Variants in MSI2 observed in about 807,000 individuals in gnomAD.
The protein encoded by MSI2 is RNA-binding protein Musashi homolog 2.
MSI2 carries 17 observed loss-of-function variants against 45.6 expected under a neutral mutation model. The observed-to-expected ratio is 0.37, with a 90% CI of 0.26 to 0.56. The LOEUF (loss-of-function observed/expected upper bound fraction) is 0.56. MSI2 is among the 20% of genes least tolerant of loss of function. The probability of loss-of-function intolerance (pLI) is 0.77; values close to 1 mark genes in which losing one functional copy is unlikely to be tolerated. For missense variants in MSI2, 293 were observed against 444.2 expected, an observed-to-expected ratio of 0.66 and a Z score of 3.06; for synonymous variants, 156 against 158.2, an observed-to-expected ratio of 0.99 and a Z score of 0.11.
chr17:57,559,070 AGAAAG>A (rs1379714140), intron 7 of MSI2, among the ~76,000 whole-genome samples: 2 of 152,168 alleles, frequency 1.3e-5, no homozygotes, highest in Non-Finnish European at 2.9e-5. Context: ...CTAAAAAAAA[AGAAAG>A]AAAGAAATCA....
At chr17:57,517,853 T>C (rs2086502921) in intron 6 of MSI2, among the ~76,000 whole-genome samples, 1 of 152,016 alleles carries the variant, frequency 6.6e-6, no homozygotes. Context: ...AGAGTCCACC[T>C]CCCATCAGAG....
At chr17:57,410,837 A>G (rs2143193266) in intron 6 of MSI2, among the ~76,000 whole-genome samples, 1 of 152,300 alleles carries the variant, frequency 6.6e-6, no homozygotes, top group East Asian at 1.9e-4. Context: ...AAAATAAGTG[A>G]GAGTATGGAA....
intron 7 of MSI2, among the ~76,000 whole-genome samples, chr17:57,586,801 C>G (rs954284036): frequency 2.6e-5 from 4 of 151,654 alleles, no homozygotes; most frequent in African/African-American, 9.7e-5. Context: ...TCACTTGAGG[C>G]CAGGAGTTCG....
intron 10 of MSI2, among the ~76,000 whole-genome samples, chr17:57,641,311 A>G (rs1034080999): frequency 6.6e-6 from 1 of 152,132 alleles, no homozygotes; most frequent in African/African-American, 2.4e-5. Context: ...TCAAGACTTG[A>G]GCGTTTGCTG....
At chr17:57,548,676 G>A (rs114976203) in intron 7 of MSI2, among the ~76,000 whole-genome samples, 18 of 152,090 alleles carry the variant, frequency 1.2e-4, no homozygotes, top group African/African-American at 4.3e-4. Context: ...GTTTGGTGTG[G>A]GGGGCTGGGA....
At chr17:57,385,002 C>T (rs929369280) in intron 5 of MSI2, among the ~76,000 whole-genome samples, 3 of 152,144 alleles carry the variant, frequency 2.0e-5, no homozygotes, top group Non-Finnish European at 4.4e-5. Context: ...GGCCATTTAC[C>T]CAGTCCTGAT....
chr17:57,318,837 A>G (rs1000153339), intron 5 of MSI2, among the ~76,000 whole-genome samples: 8 of 152,178 alleles, frequency 5.3e-5, no homozygotes, highest in African/African-American at 1.9e-4. Flanking sequence ...TGTGCTCCTT[A>G]GGATTCCGTG....
chr17:57,645,612 T>A (rs949032763), intron 10 of MSI2, among the ~76,000 whole-genome samples: 1 of 151,770 alleles, frequency 6.6e-6, no homozygotes, highest in African/African-American at 2.4e-5. Flanking sequence ...GCTTTTTTTT[T>A]TTTATTTTTA....
At chr17:57,562,472 C>A (rs2087601834) in intron 7 of MSI2, among the ~76,000 whole-genome samples, 1 of 152,238 alleles carries the variant, frequency 6.6e-6, no homozygotes, top group South Asian at 2.1e-4. Flanking sequence ...TCCTAGGCGA[C>A]TGGAAGTGCA....
chr17:57,458,202 G>A (rs1305371656), intron 6 of MSI2, among the ~76,000 whole-genome samples: 2 of 149,622 alleles, frequency 1.3e-5, no homozygotes, highest in East Asian at 4.0e-4. Flanking sequence ...CCGGGATCAC[G>A]CCATTCTCTT....
intron 7 of MSI2, among the ~76,000 whole-genome samples, chr17:57,595,010 G>T (rs1229973321): frequency 6.6e-6 from 1 of 152,180 alleles, no homozygotes; most frequent in African/African-American, 2.4e-5. Context: ...ACTGGAAATG[G>T]TTTGAGAGCA....
intron 6 of MSI2, among the ~76,000 whole-genome samples, chr17:57,484,917 A>G (rs925481556): frequency 2.0e-5 from 3 of 152,040 alleles, no homozygotes; most frequent in Non-Finnish European, 2.9e-5. Flanking sequence ...TCGGGGAAAC[A>G]TGGTCTCACC....
At chr17:57,410,007 C>CAAAAAAAAAAAAAAAAAAA (rs1960012378) in intron 6 of MSI2, among the ~76,000 whole-genome samples, 1 of 2,366 alleles carries the variant, frequency 4.2e-4, no homozygotes, top group African/African-American at 8.1e-4. Context: ...GACTCTGTCT[C>CAAAAAAAAAAAAAAAAAAA]CAAAAAAAAA....
intron 5 of MSI2, among the ~76,000 whole-genome samples, chr17:57,283,164 C>G (rs1909573064): frequency 6.6e-6 from 1 of 152,070 alleles, no homozygotes; most frequent in Admixed American, 6.5e-5. Context: ...TCTGTGCCTC[C>G]TCTCCACTCC....
At chr17:57,555,201 C>T (rs1035631108) in intron 7 of MSI2, among the ~76,000 whole-genome samples, 2 of 152,216 alleles carry the variant, frequency 1.3e-5, no homozygotes, top group Admixed American at 6.5e-5. Context: ...ATCTAGCCAG[C>T]GTCCGCACCG....
At chr17:57,347,148 G>A (rs532934127) in intron 5 of MSI2, among the ~76,000 whole-genome samples, 1 of 152,186 alleles carries the variant, frequency 6.6e-6, no homozygotes, top group East Asian at 1.9e-4. Context: ...TCTTAATTAA[G>A]CAGCTATTAG....
intron 6 of MSI2, among the ~76,000 whole-genome samples, chr17:57,422,862 C>T (rs1384651961): frequency 3.3e-5 from 5 of 152,178 alleles, no homozygotes; most frequent in African/African-American, 1.2e-4. Context: ...AGTGCACTTA[C>T]GAATGGGTGA....
At chr17:57,312,211 G>A (rs938866119) in intron 5 of MSI2, among the ~76,000 whole-genome samples, 7 of 152,342 alleles carry the variant, frequency 4.6e-5, no homozygotes, top group Non-Finnish European at 8.8e-5. Flanking sequence ...GTTTCTTTTC[G>A]AGAGAACTAC....
At chr17:57,410,695 G>A (rs1388405980) in intron 6 of MSI2, among the ~76,000 whole-genome samples, 2 of 151,962 alleles carry the variant, frequency 1.3e-5, no homozygotes, top group Non-Finnish European at 2.9e-5. Flanking sequence ...TAGATTAGTT[G>A]TAAATTAGAG....
Sources: gnomAD v4.1 joint callset for allele counts (sites outside exome capture counted in the v4.1 genomes callset) on GRCh38, gnomAD v4.1.1 for gene constraint, MANE v1.5 for transcripts, NCBI Gene and HGNC (gene_info 2026-07-23, HGNC 2026-07-21) for gene names.